Variants in ATG10 observed in about 807,000 individuals in gnomAD.
ATG10 encodes the protein ubiquitin-like-conjugating enzyme ATG10.
ATG10 carries 30 observed loss-of-function variants against 32.1 expected under a neutral mutation model. That is an observed-to-expected ratio of 0.94 (90% CI 0.70 to 1.27). The LOEUF is 1.27. ATG10 is among the 50% of genes most tolerant of loss of function. ATG10 has a pLI of 0.00. For synonymous variants in ATG10, 87 were observed against 91.5 expected, an observed-to-expected ratio of 0.95 and a Z score of 0.28; for missense variants, 233 against 262.3, an observed-to-expected ratio of 0.89 and a Z score of 0.77.
chr5:82,137,816 C>G (rs576122189), intron 3 of ATG10, among the ~76,000 whole-genome samples: 81 of 152,294 alleles, frequency 5.3e-4, no homozygotes, highest in Middle Eastern at 3.4e-3. Flanking sequence ...GCTTCGCCCA[C>G]TGCCACCTCT....
chr5:82,014,921 C>A (rs187309730), intron 2 of ATG10, among the ~76,000 whole-genome samples: 27 of 152,280 alleles, frequency 1.8e-4, no homozygotes, highest in African/African-American at 5.1e-4. Flanking sequence ...TCTTCCTAGC[C>A]TTGACGGTCT....
chr5:82,092,942 T>C (rs1307011489), intron 3 of ATG10, among the ~76,000 whole-genome samples: 1 of 152,184 alleles, frequency 6.6e-6, no homozygotes, highest in African/African-American at 2.4e-5. Flanking sequence ...ACAAATATTT[T>C]AGATAAATTC....
At chr5:82,171,095 TGG>T (rs1743790974) in intron 4 of ATG10, among the ~76,000 whole-genome samples, 1 of 152,198 alleles carries the variant, frequency 6.6e-6, no homozygotes. Flanking sequence ...TTGCTTCCCT[TGG>T]GACCATTTTC....
intron 3 of ATG10, among the ~76,000 whole-genome samples, chr5:82,084,643 ACT>A (rs1456844268): frequency 7.2e-5 from 11 of 152,150 alleles, no homozygotes; most frequent in Non-Finnish European, 1.2e-4. Flanking sequence ...CTCGGCAGAA[ACT>A]CTACAAGCCA....
intron 4 of ATG10, among the ~76,000 whole-genome samples, chr5:82,173,424 AT>A (rs749668842): frequency 5.9e-5 from 9 of 152,200 alleles, no homozygotes; most frequent in Non-Finnish European, 8.8e-5. Flanking sequence ...GTACTTTTTA[AT>A]TATTCTATTT....
At chr5:82,202,052 A>G (rs988185479) in intron 5 of ATG10, among the ~76,000 whole-genome samples, 2 of 152,150 alleles carry the variant, frequency 1.3e-5, no homozygotes, top group African/African-American at 4.8e-5. Flanking sequence ...GGGGTTTTCT[A>G]TATTGACAAT....
At chr5:82,001,804 A>G (rs1761856052) in intron 2 of ATG10, among the ~76,000 whole-genome samples, 1 of 152,232 alleles carries the variant, frequency 6.6e-6, no homozygotes, top group Non-Finnish European at 1.5e-5. Flanking sequence ...TAATTAAACA[A>G]GAGTTTCTGT....
intron 4 of ATG10, among the ~76,000 whole-genome samples, chr5:82,172,036 C>A (rs1363484760): frequency 6.6e-6 from 1 of 152,092 alleles, no homozygotes; most frequent in African/African-American, 2.4e-5. Context: ...GCTATGACTA[C>A]CTTGAGCTGT....
chr5:82,187,379 T>C (rs1180999175), intron 5 of ATG10, among the ~76,000 whole-genome samples: 1 of 151,430 alleles, frequency 6.6e-6, no homozygotes, highest in Admixed American at 6.6e-5. Context: ...GGTGTGGTGG[T>C]GGGCACCTGT....
chr5:82,105,286 G>A (rs915191658), intron 3 of ATG10, among the ~76,000 whole-genome samples: 7 of 151,870 alleles, frequency 4.6e-5, no homozygotes, highest in African/African-American at 1.7e-4. Flanking sequence ...AAATGAAAAT[G>A]AATCACATTT....
intron 3 of ATG10, among the ~76,000 whole-genome samples, chr5:82,134,168 A>G (rs1023410879): frequency 1.8e-5 from 1 of 57,010 alleles, no homozygotes; most frequent in African/African-American, 7.2e-5. Flanking sequence ...ATCTGCAAAC[A>G]GAGACAATTT....
intron 5 of ATG10, among the ~76,000 whole-genome samples, chr5:82,242,568 C>T (rs1432401150): frequency 6.6e-6 from 1 of 152,000 alleles, no homozygotes; most frequent in Non-Finnish European, 1.5e-5. Flanking sequence ...CACCTATGCA[C>T]ATTACAATGA....
At chr5:82,109,657 A>C (rs1765551584) in intron 3 of ATG10, among the ~76,000 whole-genome samples, 1 of 151,826 alleles carries the variant, frequency 6.6e-6, no homozygotes, top group African/African-American at 2.4e-5. Flanking sequence ...AGAGGGATTA[A>C]AAAGTTACCC....
intron 5 of ATG10, among the ~76,000 whole-genome samples, chr5:82,187,349 A>G (rs1744489462): frequency 6.6e-6 from 1 of 151,652 alleles, no homozygotes; most frequent in Non-Finnish European, 1.5e-5. Context: ...TGTCTCTACT[A>G]AAAATACAAA....
At chr5:82,142,952 G>T (rs1480522393) in intron 3 of ATG10, among the ~76,000 whole-genome samples, 1 of 152,162 alleles carries the variant, frequency 6.6e-6, no homozygotes, top group Non-Finnish European at 1.5e-5. Context: ...GTTTTGTTTT[G>T]CTTGATGAGA....
chr5:82,078,562 T>A (rs1252613354), intron 3 of ATG10: 3 of 152,196 alleles, frequency 2.0e-5, no homozygotes, highest in African/African-American at 7.2e-5. Flanking sequence ...ATCAATATGG[T>A]GACCTCTCGG....
intron 1 of ATG10, chr5:81,972,562 A>C (rs1454898536): frequency 6.6e-6 from 1 of 152,238 alleles, no homozygotes; most frequent in African/African-American, 2.4e-5. Context: ...TCACCAGCAC[A>C]CCTGGCCCAG....
intron 3 of ATG10, among the ~76,000 whole-genome samples, chr5:82,143,941 A>C (rs1255092738): frequency 6.6e-6 from 1 of 152,188 alleles, no homozygotes; most frequent in Non-Finnish European, 1.5e-5. Flanking sequence ...GTAGAGCTTT[A>C]CCAGTGAAGC....
At chr5:82,059,943 A>G (rs1400678503) in intron 3 of ATG10, among the ~76,000 whole-genome samples, 1 of 151,988 alleles carries the variant, frequency 6.6e-6, no homozygotes, top group Non-Finnish European at 1.5e-5. Context: ...TTATATATTA[A>G]CTTAAAAAAA....
Sources: allele counts gnomAD v4.1 joint callset (sites outside exome capture counted in the v4.1 genomes callset), GRCh38; gene constraint gnomAD v4.1.1; transcripts MANE v1.5; gene names NCBI Gene and HGNC (gene_info 2026-07-23, HGNC 2026-07-21).